Variants in NXPE4 observed in about 807,000 individuals in gnomAD.
The protein encoded by NXPE4 is neurexophilin and PC-esterase domain family member 4.
A neutral mutation model predicts 33.3 loss-of-function variants in NXPE4; 42 were observed. That is an observed-to-expected ratio of 1.26 (90% CI 0.98 to 1.63). The LOEUF (loss-of-function observed/expected upper bound fraction) is 1.63, where lower values mean the gene tolerates loss of function less well. Among genes scored for constraint, NXPE4 ranks in the 40% most tolerant of loss-of-function variants. The pLI, the probability that NXPE4 is intolerant of heterozygous loss-of-function variation, is 0.00. For synonymous variants in NXPE4, 253 were observed against 234.9 expected (o/e 1.08, Z -0.71); for missense variants, 709 against 647.6 (o/e 1.09, Z -1.03).
At chr11:114,622,698 C>G in the NXPE4 span, among the ~76,000 whole-genome samples, 1 of 151,204 alleles carries the variant, frequency 6.6e-6, no homozygotes, top group Non-Finnish European at 1.5e-5. Context: ...TGGTTAACCC[C>G]TTTTCCCGGT....
chr11:114,660,118 A>G, the NXPE4 span, among the ~76,000 whole-genome samples: 12 of 152,094 alleles, frequency 7.9e-5, no homozygotes, highest in Non-Finnish European at 1.8e-4. Context: ...TGAAAATTCT[A>G]TAGCTTTGGG....
intron 5 of NXPE4, among the ~76,000 whole-genome samples, chr11:114,573,387 G>T (rs2135179680): frequency 6.6e-6 from 1 of 152,202 alleles, no homozygotes; most frequent in African/African-American, 2.4e-5. Context: ...TAAATGACCT[G>T]AATGCTCTAC....
At chr11:114,605,185 A>T in the NXPE4 span, among the ~76,000 whole-genome samples, 1 of 151,512 alleles carries the variant, frequency 6.6e-6, no homozygotes, top group Non-Finnish European at 1.5e-5. Flanking sequence ...GTGAGAAACC[A>T]CTCTTACCCA....
the NXPE4 span, among the ~76,000 whole-genome samples, chr11:114,649,155 G>T: frequency 2.0e-5 from 3 of 151,364 alleles, no homozygotes; most frequent in African/African-American, 7.3e-5. Context: ...AACTGGTGGG[G>T]TGACCCAAAC....
chr11:114,609,487 A>G, the NXPE4 span, among the ~76,000 whole-genome samples: 1 of 151,594 alleles, frequency 6.6e-6, no homozygotes, highest in East Asian at 2.0e-4. Context: ...CTCTAGGGTA[A>G]CCATTGTTAC....
chr11:114,620,557 C>A, the NXPE4 span, among the ~76,000 whole-genome samples: 1 of 151,900 alleles, frequency 6.6e-6, no homozygotes, highest in East Asian at 1.9e-4. Context: ...TCTAGGGTAA[C>A]CACTGTTACG....
the NXPE4 span, among the ~76,000 whole-genome samples, chr11:114,651,898 T>C: frequency 6.6e-6 from 1 of 152,086 alleles, no homozygotes. Context: ...CTCTCAATAA[T>C]AGCAAAACAG....
chr11:114,633,881 T>C, the NXPE4 span, among the ~76,000 whole-genome samples: 1 of 152,066 alleles, frequency 6.6e-6, no homozygotes, highest in African/African-American at 2.4e-5. Context: ...ATATTGGGGT[T>C]GGTTCCAAGT....
the NXPE4 span, among the ~76,000 whole-genome samples, chr11:114,614,115 TA>T: frequency 6.6e-6 from 1 of 151,874 alleles, no homozygotes; most frequent in East Asian, 2.0e-4. Context: ...GCCTCGTGGG[TA>T]ACCAGTGTTA....
chr11:114,640,029 CATA>C, the NXPE4 span, among the ~76,000 whole-genome samples: 1 of 115,282 alleles, frequency 8.7e-6, no homozygotes, highest in African/African-American at 3.6e-5. Context: ...TATAATGTAA[CATA>C]ATTATATTAT....
the NXPE4 span, among the ~76,000 whole-genome samples, chr11:114,655,228 T>C: frequency 6.6e-6 from 1 of 152,234 alleles, no homozygotes; most frequent in Non-Finnish European, 1.5e-5. Flanking sequence ...ATATTAAACC[T>C]TTGTCAGATG....
the NXPE4 span, among the ~76,000 whole-genome samples, chr11:114,669,745 A>C: frequency 2.0e-5 from 3 of 152,018 alleles, no homozygotes; most frequent in African/African-American, 2.4e-5. Flanking sequence ...TTCCAAGGGC[A>C]CTGACTTTAT....
the NXPE4 span, among the ~76,000 whole-genome samples, chr11:114,604,468 A>G: frequency 3.3e-5 from 5 of 152,060 alleles, no homozygotes; most frequent in Non-Finnish European, 7.4e-5. Flanking sequence ...CCTTGTGGGT[A>G]ACCACTGTTA....
At chr11:114,593,273 C>T (rs1267988419) in intron 2 of NXPE4, among the ~76,000 whole-genome samples, 3 of 152,060 alleles carry the variant, frequency 2.0e-5, no homozygotes, top group African/African-American at 7.2e-5. Context: ...TGCAAACTAT[C>T]CATCTGACAG....
At chr11:114,598,426 G>A (rs1036094545), upstream of NXPE4, among the ~76,000 whole-genome samples, 1 of 152,224 alleles carries the variant, frequency 6.6e-6, no homozygotes, top group Non-Finnish European at 1.5e-5. Context: ...CTGTGTGGGG[G>A]CTCCAGCCCC....
the NXPE4 span, among the ~76,000 whole-genome samples, chr11:114,653,339 C>A: frequency 6.6e-6 from 1 of 152,164 alleles, no homozygotes; most frequent in African/African-American, 2.4e-5. Context: ...GTTCTTGGTA[C>A]TTTTATTGTC....
the NXPE4 span, among the ~76,000 whole-genome samples, chr11:114,674,623 G>C: frequency 6.6e-6 from 1 of 151,250 alleles, no homozygotes; most frequent in South Asian, 2.1e-4. Flanking sequence ...GAGAAAGAAC[G>C]ACACAAAGTA....
the NXPE4 span, among the ~76,000 whole-genome samples, chr11:114,617,317 C>T: frequency 6.6e-6 from 1 of 152,038 alleles, no homozygotes; most frequent in South Asian, 2.1e-4. Context: ...TAAGTTTTGC[C>T]TCGTGGGTAA....
At chr11:114,583,698 GC>G in intron 2 of NXPE4, 1 of 574,334 alleles carries the variant, frequency 1.7e-6, no homozygotes, top group South Asian at 1.4e-5. Flanking sequence ...AAGGCATCTG[GC>G]TTCTGTTATG....
Sources: gnomAD v4.1 joint callset for allele counts (sites outside exome capture counted in the v4.1 genomes callset) on GRCh38, gnomAD v4.1.1 for gene constraint, MANE v1.5 for transcripts, NCBI Gene and HGNC (gene_info 2026-07-23, HGNC 2026-07-21) for gene names.